Variants in ANGPT1 observed in about 807,000 individuals in gnomAD.
ANGPT1 encodes angiopoietin-1.
ANGPT1 carries 17 observed loss-of-function variants against 62.2 expected under a neutral mutation model. That is an observed-to-expected ratio of 0.27 (90% CI 0.19 to 0.41). The LOEUF (loss-of-function observed/expected upper bound fraction) is 0.41, where lower values mean the gene tolerates loss of function less well. Among genes scored for constraint, ANGPT1 ranks in the 10% least tolerant of loss-of-function variants. ANGPT1 has a pLI of 1.00. For missense variants in ANGPT1, 478 were observed against 594.9 expected, an observed-to-expected ratio of 0.80 and a Z score of 2.04; for synonymous variants, 199 against 198.9, an observed-to-expected ratio of 1.00 and a Z score of 0.00.
At chr8:107,266,846 A>G (rs1041895697) in intron 7 of ANGPT1, among the ~76,000 whole-genome samples, 1 of 152,134 alleles carries the variant, frequency 6.6e-6, no homozygotes, top group African/African-American at 2.4e-5. Context: ...CCTTTCACAT[A>G]AGATTTACAA....
At chr8:107,477,100 A>T (rs1196822336) in intron 1 of ANGPT1, among the ~76,000 whole-genome samples, 1 of 152,158 alleles carries the variant, frequency 6.6e-6, no homozygotes, top group African/African-American at 2.4e-5. Context: ...GTCCTTTAAA[A>T]GTTTGACAGT....
At chr8:107,439,686 T>C (rs1462304120) in intron 1 of ANGPT1, among the ~76,000 whole-genome samples, 1 of 152,224 alleles carries the variant, frequency 6.6e-6, no homozygotes, top group Non-Finnish European at 1.5e-5. Context: ...TCAAGGCACA[T>C]ACCAGCTGCT....
chr8:107,309,777 TATCTC>T (rs1211163506), intron 4 of ANGPT1, among the ~76,000 whole-genome samples: 2 of 152,208 alleles, frequency 1.3e-5, no homozygotes, highest in African/African-American at 4.8e-5. Flanking sequence ...TGTGGGCTGA[TATCTC>T]AGCATGACTG....
chr8:107,440,772 G>GT (rs770343053), intron 1 of ANGPT1, among the ~76,000 whole-genome samples: 3 of 152,140 alleles, frequency 2.0e-5, no homozygotes, highest in Admixed American at 6.5e-5. Flanking sequence ...TTTAGCAGAA[G>GT]TAAGTCAGAA....
intron 1 of ANGPT1, among the ~76,000 whole-genome samples, chr8:107,416,922 G>A (rs1563613230): frequency 6.6e-6 from 1 of 151,600 alleles, no homozygotes; most frequent in Non-Finnish European, 1.5e-5. Flanking sequence ...TTCCCCAGTA[G>A]CTAGGACTAT....
chr8:107,429,168 A>T (rs1811113573), intron 1 of ANGPT1, among the ~76,000 whole-genome samples: 1 of 152,218 alleles, frequency 6.6e-6, no homozygotes, highest in Non-Finnish European at 1.5e-5. Context: ...ATAGGTGCTT[A>T]TATGTCACAA....
chr8:107,432,335 T>C (rs1049389918), intron 1 of ANGPT1, among the ~76,000 whole-genome samples: 2 of 152,158 alleles, frequency 1.3e-5, no homozygotes, highest in Admixed American at 1.3e-4. Flanking sequence ...TTCTGAGATA[T>C]AGCTTTCTTA....
At chr8:107,260,346 A>G (rs1813463103) in intron 8 of ANGPT1, among the ~76,000 whole-genome samples, 1 of 152,168 alleles carries the variant, frequency 6.6e-6, no homozygotes. Context: ...ATATATAAAT[A>G]AACAAGATAA....
chr8:107,255,459 C>G (rs1311534740), intron 8 of ANGPT1, among the ~76,000 whole-genome samples: 1 of 152,108 alleles, frequency 6.6e-6, no homozygotes, highest in East Asian at 1.9e-4. Flanking sequence ...CAATGGGAAG[C>G]CTGGAGAGCG....
At chr8:107,367,089 T>C (rs1179822448) in intron 1 of ANGPT1, among the ~76,000 whole-genome samples, 1 of 152,080 alleles carries the variant, frequency 6.6e-6, no homozygotes, top group African/African-American at 2.4e-5. Context: ...TCCCGAAATC[T>C]CACAAACTAT....
chr8:107,274,833 T>C (rs1044605636), intron 7 of ANGPT1, among the ~76,000 whole-genome samples: 2 of 152,068 alleles, frequency 1.3e-5, no homozygotes, highest in East Asian at 1.9e-4. Flanking sequence ...TATTAAGAAA[T>C]GCTTTTTTTT....
chr8:107,434,384 G>A (rs1311603689), intron 1 of ANGPT1, among the ~76,000 whole-genome samples: 3 of 152,282 alleles, frequency 2.0e-5, no homozygotes, highest in East Asian at 1.9e-4. Context: ...AATCATGGAA[G>A]GTTTTTAAGT....
intron 1 of ANGPT1, among the ~76,000 whole-genome samples, chr8:107,468,185 C>G (rs62514478): frequency 0.053 from 8,003 of 152,060 alleles, 240 homozygotes; most frequent in South Asian, 0.11. Flanking sequence ...TGAACTGTTA[C>G]GAACAGAATC....
At chr8:107,351,592 A>G (rs1455010309) in intron 1 of ANGPT1, among the ~76,000 whole-genome samples, 2 of 151,622 alleles carry the variant, frequency 1.3e-5, no homozygotes, top group Admixed American at 6.6e-5. Flanking sequence ...AATATTTATA[A>G]TATTTATTCC....
intron 6 of ANGPT1, among the ~76,000 whole-genome samples, chr8:107,288,689 A>G (rs1563551816): frequency 6.6e-6 from 1 of 152,132 alleles, no homozygotes; most frequent in African/African-American, 2.4e-5. Context: ...AGAACATATT[A>G]ATTAAATCAA....
chr8:107,388,392 G>A (rs2436563), intron 1 of ANGPT1, among the ~76,000 whole-genome samples: 46,325 of 151,658 alleles, frequency 0.31, 8,200 homozygotes, highest in East Asian at 0.58. Flanking sequence ...TCCAGTTTAG[G>A]TGAGAGAGCA....
intron 1 of ANGPT1, among the ~76,000 whole-genome samples, chr8:107,348,809 C>A (rs770676379): frequency 6.6e-6 from 1 of 152,082 alleles, no homozygotes. Flanking sequence ...TTTTGCCCTT[C>A]GGAACAAATG....
rs1813201201 is a variant in ANGPT1 at position 107,249,521 on chromosome 8, ATGT to A, written c.*2331_*2333del. ...CTTTCAATTTTATTTAAATCAAATA[ATGT>A]TGTGATGATATGAAGAACTTTGCAT... On this transcript the variant is annotated 3_prime_UTR_variant, in exon 9 of 9. Coordinates refer to ENST00000517746, the MANE Select transcript of ANGPT1 (RefSeq NM_001146.5). The A allele has an allele frequency of 6.6e-6, 1 of 152,222 alleles. No individual in the cohort carries two copies. Among genetic ancestry groups the A allele is most frequent in the South Asian group, 2.1e-4 (1 of 4,834 alleles). 9.4% of individuals were successfully genotyped at this position (152,222 alleles called of 1,614,324 possible).
chr8:107,334,001 G>GGAAGGAAGGAAGGAAA (rs1321922571), intron 3 of ANGPT1, among the ~76,000 whole-genome samples: 15 of 137,626 alleles, frequency 1.1e-4, no homozygotes, highest in African/African-American at 3.4e-4. Context: ...AGGGAGGGAA[G>GGAAGGAAGGAAGGAAA]GAAGGAAGGA....
Sources: allele counts gnomAD v4.1 joint callset (sites outside exome capture counted in the v4.1 genomes callset), GRCh38; gene constraint gnomAD v4.1.1; transcripts MANE v1.5; gene names NCBI Gene and HGNC (gene_info 2026-07-23, HGNC 2026-07-21).